The following PKP4 variants were observed in gnomAD, a reference collection of about 807,000 sequenced individuals.
The protein encoded by PKP4 is plakophilin-4.
PKP4 carries 90 observed loss-of-function variants against 145.1 expected under a neutral mutation model. The observed-to-expected ratio is 0.62, with a 90% CI of 0.52 to 0.74. The LOEUF (loss-of-function observed/expected upper bound fraction) is 0.74. Ranked by LOEUF, PKP4 falls within the 30% of genes least tolerant of loss-of-function variation. The pLI, the probability that PKP4 is intolerant of heterozygous loss-of-function variation, is 0.00. For synonymous variants in PKP4, 563 were observed against 577.2 expected, an observed-to-expected ratio of 0.98 and a Z score of 0.35; for missense variants, 1,340 against 1,482.7, an observed-to-expected ratio of 0.90 and a Z score of 1.58.
intron 9 of PKP4, among the ~76,000 whole-genome samples, chr2:158,636,012 A>T (rs2053777934): frequency 6.6e-6 from 1 of 152,166 alleles, no homozygotes; most frequent in Non-Finnish European, 1.5e-5. Flanking sequence ...AGACTGAGGA[A>T]GTTATTGATC....
At chr2:158,485,677 C>T (rs1312713156) in intron 1 of PKP4, among the ~76,000 whole-genome samples, 1 of 152,086 alleles carries the variant, frequency 6.6e-6, no homozygotes, top group Non-Finnish European at 1.5e-5. Flanking sequence ...AAACATTTAA[C>T]CCTTTAGTTC....
At chr2:158,509,877 G>A (rs983355825) in intron 1 of PKP4, among the ~76,000 whole-genome samples, 5 of 150,530 alleles carry the variant, frequency 3.3e-5, no homozygotes, top group East Asian at 3.9e-4. Context: ...AACCCAGGAC[G>A]TGGAGGTTGC....
intron 4 of PKP4, among the ~76,000 whole-genome samples, chr2:158,610,740 A>G (rs1452310503): frequency 1.3e-5 from 2 of 152,184 alleles, no homozygotes; most frequent in African/African-American, 2.4e-5. Flanking sequence ...AAAAATTACT[A>G]GAGTTTAGGT....
chr2:158,547,396 A>G (rs2045167052), intron 2 of PKP4, among the ~76,000 whole-genome samples: 1 of 152,218 alleles, frequency 6.6e-6, no homozygotes, highest in South Asian at 2.1e-4. Context: ...TGAAGGAAGT[A>G]AGCCAAACAT....
intron 1 of PKP4, among the ~76,000 whole-genome samples, chr2:158,509,514 A>G (rs967853648): frequency 6.6e-6 from 1 of 152,236 alleles, no homozygotes; most frequent in African/African-American, 2.4e-5. Flanking sequence ...ACATAAGACA[A>G]TCAAGACTTT....
chr2:158,580,590 G>A (rs1439737133), intron 3 of PKP4, among the ~76,000 whole-genome samples: 2 of 152,190 alleles, frequency 1.3e-5, no homozygotes, highest in African/African-American at 4.8e-5. Flanking sequence ...GTTATTGGTG[G>A]TGGTGATGGT....
At chr2:158,567,497 T>C (rs1040727773) in intron 2 of PKP4, among the ~76,000 whole-genome samples, 3 of 152,140 alleles carry the variant, frequency 2.0e-5, no homozygotes, top group Non-Finnish European at 4.4e-5. Context: ...GGTTAACCCA[T>C]GGGGTTAGGA....
Position 158,642,683 on chromosome 2 carries a change from A to G in PKP4, c.1893A>G (p.Val631=). ...RLLRKSIDAE[V]RELVTGVLWN... is the part of the protein sequence containing the mutation. ...TGAGAAAATCTATTGATGCAGAAGT[A>G]AGGGAGCTTGTTACAGGTAGGTATA... The change falls in exon 11 of 22, where the codon GTA becomes GTG. Residue 631 remains valine, a synonymous_variant. Coordinates refer to ENST00000389759, the MANE Select transcript of PKP4 (RefSeq NM_003628.6). 1 of 1,604,384 alleles carries G rather than the reference A, an allele frequency of 6.2e-7. No homozygotes were observed. Among genetic ancestry groups the G allele is most frequent in the Non-Finnish European group, 8.5e-7 (1 of 1,173,804 alleles).
intron 7 of PKP4, among the ~76,000 whole-genome samples, chr2:158,628,215 G>A (rs769672369): frequency 1.4e-4 from 21 of 151,938 alleles, no homozygotes; most frequent in Non-Finnish European, 3.1e-4. Flanking sequence ...TCTTGACCTC[G>A]TGATCTGCCC....
intron 3 of PKP4, among the ~76,000 whole-genome samples, chr2:158,592,075 A>G (rs1044438313): frequency 2.6e-5 from 4 of 152,086 alleles, no homozygotes; most frequent in African/African-American, 9.7e-5. Context: ...ATGCTGTTTT[A>G]AGAGACTTTA....
At chr2:158,495,343 G>A (rs538053963) in intron 1 of PKP4, among the ~76,000 whole-genome samples, 2 of 75,212 alleles carry the variant, frequency 2.7e-5, no homozygotes, top group African/African-American at 1.0e-4. Flanking sequence ...CAATTCTTCT[G>A]GAGAGTTAAA....
At chr2:158,567,087 GAATTACTT>G (rs1256434579) in intron 2 of PKP4, among the ~76,000 whole-genome samples, 4 of 152,106 alleles carry the variant, frequency 2.6e-5, no homozygotes, top group African/African-American at 9.7e-5. Context: ...AAATCACCCT[GAATTACTT>G]ACCAGAGTTT....
intron 4 of PKP4, among the ~76,000 whole-genome samples, chr2:158,609,354 C>T (rs1040659429): frequency 2.0e-5 from 3 of 152,108 alleles, no homozygotes; most frequent in Non-Finnish European, 4.4e-5. Flanking sequence ...ATTTAAAAGA[C>T]CATCAGTCCA....
chr2:158,667,987 C>T (rs2057253954), intron 16 of PKP4, among the ~76,000 whole-genome samples: 1 of 152,166 alleles, frequency 6.6e-6, no homozygotes, highest in Non-Finnish European at 1.5e-5. Flanking sequence ...TGTGGCCTGT[C>T]ATATTTCACA....
Position 158,502,684 on chromosome 2 carries a change from A to C in PKP4, c.-5-30496A>C, listed in dbSNP as rs182424231. 1.6e-4 allele frequency among the ~76,000 whole-genome samples: 24 copies of C among 152,302 alleles called. No homozygotes were observed. In the East Asian group the frequency reaches 4.3e-3, roughly 27 times the overall value. ...AACATAAATTTTCCAAGTCACCTTT[A>C]GGGAACTGCCCAATTGCAATTGGTG... is the stretch of plus-strand genomic sequence containing the variant. On this transcript the variant is annotated intron_variant, in intron 1 of 21. Coordinates refer to ENST00000389759, the MANE Select transcript of PKP4 (RefSeq NM_003628.6).
Position 158,537,075 on chromosome 2 carries a change from G to A in PKP4, c.132+3759G>A, listed in dbSNP as rs370408302. The stretch of plus-strand genomic sequence containing the variant: ...GAATGAATAGATAATACTTACTGTC[G>A]ATTACTTTGTCACCAACTTGCGGTT... On this transcript the variant is annotated intron_variant, in intron 2 of 21. Transcript: ENST00000389759. Among the ~76,000 whole-genome samples the A allele has an allele frequency of 5.9e-5, 9 of 152,208 alleles. 1 individual carries two copies. The South Asian group carries it at 8.3e-4, about 14-fold the overall frequency.
chr2:158,680,810 T>TC lies in PKP4; in HGVS notation c.*134dup. The TC allele has an allele frequency of 2.3e-6, 2 of 869,782 alleles. No homozygotes were observed. Among genetic ancestry groups the TC allele is most frequent in the Non-Finnish European group, 3.5e-6 (2 of 567,534 alleles). The allele number at this position is 869,782 out of a possible 1,614,324, so 53.9% of individuals were successfully genotyped here. On this transcript the variant is annotated 3_prime_UTR_variant, in exon 22 of 22. Transcript: ENST00000389759. Reference sequence around the variant, plus strand: ...GAATGAATGAAGTGTGTTTTTTTTTTCTTTTTTGAGGAATTATCAGGGAAG... The same window carrying TC: ...GAATGAATGAAGTGTGTTTTTTTTTTCCTTTTTTGAGGAATTATCAGGGAAG...
In PKP4 at chr2:158,676,802, G is replaced by A. The variant is rs1559002068; in HGVS notation, c.3191G>A (p.Arg1064Lys). 6.2e-7 allele frequency: 1 copy of A among 1,614,072 alleles called. No homozygotes were observed. Among genetic ancestry groups the A allele is most frequent in the Non-Finnish European group, 8.5e-7 (1 of 1,180,018 alleles). ...GIRDPRSEYD[R>K]TQPPMQYYNS... ...AGAGACCCTCGCTCTGAATACGATA[G>A]GACCCAGCCACCTATGCAGTATTAC... is the stretch of plus-strand genomic sequence containing the variant. The change falls in exon 20 of 22, where the codon AGG (arginine) becomes AAG (lysine). Residue 1064 changes from arginine to lysine, a missense_variant. By Grantham distance (26) the Arg-to-Lys change is conservative (BLOSUM62 2). Transcript: ENST00000389759.
At chr2:158,638,377 T>C (rs1447766250) in intron 9 of PKP4, among the ~76,000 whole-genome samples, 1 of 152,228 alleles carries the variant, frequency 6.6e-6, no homozygotes, top group African/African-American at 2.4e-5. Context: ...TGTTTTACAG[T>C]TGAGGAAACT....
Sources: gnomAD v4.1 joint callset for allele counts (sites outside exome capture counted in the v4.1 genomes callset) on GRCh38, gnomAD v4.1.1 for gene constraint, MANE v1.5 for transcripts, NCBI Gene and HGNC (gene_info 2026-07-23, HGNC 2026-07-21) for gene names.